The following SOX6 variants were observed in gnomAD, a reference collection of about 807,000 sequenced individuals.
SOX6 encodes SRY-box transcription factor 6.
SOX6 carries 11 observed loss-of-function variants against 97.8 expected under a neutral mutation model. That is an observed-to-expected ratio of 0.11 (90% CI 0.07 to 0.19). The LOEUF is 0.19. SOX6 is among the 10% of genes least tolerant of loss of function. The probability of loss-of-function intolerance (pLI) is 1.00; values close to 1 mark genes in which losing one functional copy is unlikely to be tolerated. For synonymous variants in SOX6, 360 were observed against 371.4 expected, an observed-to-expected ratio of 0.97 and a Z score of 0.35; for missense variants, 810 against 1,039.5, an observed-to-expected ratio of 0.78 and a Z score of 3.04.
rs565497133 is a variant in SOX6, at chr11:16,117,615, G to A, written c.778-5692C>T. Among the ~76,000 whole-genome samples the A allele has an allele frequency of 2.0e-5, 3 of 152,286 alleles. No homozygotes were observed. In the South Asian group the frequency reaches 6.2e-4, roughly 32 times the overall value. On this transcript the variant is annotated intron_variant, in intron 6 of 15. Transcript: ENST00000683767. ...AAGGTAAGGGGAAAAGACAAGGAAA[G>A]AGGCTTGGTGGCCACCTAAGAATCA...
chr11:16,193,129 A>G (rs1196843439), intron 4 of SOX6, among the ~76,000 whole-genome samples: 11 of 152,202 alleles, frequency 7.2e-5, no homozygotes, highest in Non-Finnish European at 1.6e-4. Context: ...AGAAAGAGAA[A>G]AAGAGTTAAG....
intron 6 of SOX6, among the ~76,000 whole-genome samples, chr11:16,129,682 AT>A (rs1276278452): frequency 6.6e-6 from 1 of 152,186 alleles, no homozygotes; most frequent in Non-Finnish European, 1.5e-5. Context: ...TAATAAGAGA[AT>A]AAAGGAGCAA....
At chr11:16,080,307 T>C (rs1453852682) in intron 9 of SOX6, among the ~76,000 whole-genome samples, 1 of 146,644 alleles carries the variant, frequency 6.8e-6, no homozygotes, top group Admixed American at 6.8e-5. Context: ...AAAAATGAGG[T>C]CTTACAAGTT....
intron 6 of SOX6, among the ~76,000 whole-genome samples, chr11:16,158,977 A>G (rs990520302): frequency 6.6e-6 from 1 of 151,962 alleles, no homozygotes; most frequent in Non-Finnish European, 1.5e-5. Flanking sequence ...CCAAATAGAT[A>G]GCAGAGCCAG....
chr11:16,257,858 T>C (rs1460625495), intron 3 of SOX6, among the ~76,000 whole-genome samples: 1 of 118,216 alleles, frequency 8.5e-6, no homozygotes, highest in African/African-American at 3.1e-5. Context: ...TAAAACACAA[T>C]AAGAAAACAA....
chr11:16,501,916 G>T (rs1860714855), intron 4 of SOX6, among the ~76,000 whole-genome samples: 1 of 152,138 alleles, frequency 6.6e-6, no homozygotes, highest in Non-Finnish European at 1.5e-5. Context: ...ATTCCTCAGG[G>T]ATCTAGAACT....
intron 13 of SOX6, among the ~76,000 whole-genome samples, chr11:16,011,595 G>A (rs1854727742): frequency 6.6e-6 from 1 of 151,996 alleles, no homozygotes; most frequent in Non-Finnish European, 1.5e-5. Context: ...CCAGGCTCAG[G>A]GCTATGAAGC....
chr11:16,673,235 A>G (rs1341548419), intron 3 of SOX6, among the ~76,000 whole-genome samples: 1 of 152,232 alleles, frequency 6.6e-6, no homozygotes, highest in Non-Finnish European at 1.5e-5. Context: ...ACCAAGCCCA[A>G]AATTAGTAGA....
At chr11:16,454,076 T>C (rs1254029751) in intron 1 of SOX6, among the ~76,000 whole-genome samples, 3 of 152,130 alleles carry the variant, frequency 2.0e-5, no homozygotes, top group Admixed American at 2.0e-4. Context: ...GATGATGCAG[T>C]CTTTTTTAAC....
chr11:15,987,278 A>C (rs1437152620), intron 14 of SOX6, among the ~76,000 whole-genome samples: 1 of 152,194 alleles, frequency 6.6e-6, no homozygotes, highest in East Asian at 1.9e-4. Flanking sequence ...AACAAATGGA[A>C]AAGTTGTACA....
At chr11:15,998,046 C>T (rs1055419922) in intron 13 of SOX6, among the ~76,000 whole-genome samples, 1 of 151,326 alleles carries the variant, frequency 6.6e-6, no homozygotes, top group Non-Finnish European at 1.5e-5. Flanking sequence ...TGCCACTGCA[C>T]TCCAGCCTGG....
At chr11:16,237,033 C>T (rs1458097574) in intron 3 of SOX6, among the ~76,000 whole-genome samples, 1 of 151,716 alleles carries the variant, frequency 6.6e-6, no homozygotes, top group Non-Finnish European at 1.5e-5. Flanking sequence ...CATTTTCAGC[C>T]ATGAAAATAT....
chr11:15,980,637 A>G (rs1029656188), intron 15 of SOX6, among the ~76,000 whole-genome samples: 1 of 151,740 alleles, frequency 6.6e-6, no homozygotes, highest in Non-Finnish European at 1.5e-5. Flanking sequence ...TTTTTTTACT[A>G]TTGAATATAT....
At chr11:16,321,375 G>T (rs1394264841) in intron 2 of SOX6, among the ~76,000 whole-genome samples, 1 of 151,854 alleles carries the variant, frequency 6.6e-6, no homozygotes, top group Non-Finnish European at 1.5e-5. Flanking sequence ...TAATAAAGGA[G>T]ATTTTCCCAT....
intron 1 of SOX6, among the ~76,000 whole-genome samples, chr11:16,453,327 C>A (rs1432257575): frequency 2.6e-5 from 4 of 152,050 alleles, no homozygotes; most frequent in African/African-American, 7.2e-5. Context: ...AGGTGAATAT[C>A]ACTATCTTAC....
At chr11:16,549,581 T>A (rs1478098099) in intron 4 of SOX6, among the ~76,000 whole-genome samples, 1 of 152,066 alleles carries the variant, frequency 6.6e-6, no homozygotes, top group Admixed American at 6.6e-5. Context: ...TCCAACAGAG[T>A]AATCCAATGC....
intron 7 of SOX6, among the ~76,000 whole-genome samples, chr11:16,104,213 G>A (rs943348325): frequency 2.0e-5 from 3 of 151,878 alleles, no homozygotes; most frequent in Non-Finnish European, 2.9e-5. Flanking sequence ...CTTTGATTCT[G>A]AGTAGATATA....
At chr11:16,484,922 T>C (rs774146167) in intron 4 of SOX6, among the ~76,000 whole-genome samples, 5 of 152,204 alleles carry the variant, frequency 3.3e-5, no homozygotes, top group Non-Finnish European at 7.3e-5. Flanking sequence ...CTAGACCTCC[T>C]AAACCAAAAT....
intron 2 of SOX6, among the ~76,000 whole-genome samples, chr11:16,734,380 T>C (rs1848375448): frequency 6.6e-6 from 1 of 152,232 alleles, no homozygotes; most frequent in South Asian, 2.1e-4. Flanking sequence ...TCCACCACAG[T>C]GGAATAATGC....
Sources: gnomAD v4.1 joint callset for allele counts (sites outside exome capture counted in the v4.1 genomes callset) on GRCh38, gnomAD v4.1.1 for gene constraint, MANE v1.5 for transcripts, NCBI Gene and HGNC (gene_info 2026-07-23, HGNC 2026-07-21) for gene names.